TEKT5: variants seen among roughly 807,000 people sequenced by gnomAD.
TEKT5 encodes the protein tektin 5.
TEKT5 carries 52 observed loss-of-function variants against 48.7 expected under a neutral mutation model. The ratio of observed to expected loss-of-function variants is 1.07; its 90% CI spans 0.86 to 1.35. TEKT5 has a LOEUF of 1.35. TEKT5 is among the 40% of genes most tolerant of loss of function. TEKT5 has a pLI of 0.00. For synonymous variants in TEKT5, 318 were observed against 267.6 expected, an observed-to-expected ratio of 1.19 and a Z score of -1.84; for missense variants, 831 against 641.6, an observed-to-expected ratio of 1.30 and a Z score of -3.19.
chr16:10,633,966 A>G (rs1897876896), intron 6 of TEKT5, among the ~76,000 whole-genome samples: 1 of 152,100 alleles, frequency 6.6e-6, no homozygotes, highest in South Asian at 2.1e-4. Context: ...ACCACCCAAC[A>G]CTTTTTCTTG....
chr16:10,642,770 A>T (rs925781103), intron 5 of TEKT5, among the ~76,000 whole-genome samples: 22 of 152,332 alleles, frequency 1.4e-4, no homozygotes, highest in African/African-American at 4.6e-4. Context: ...ACTCATATGC[A>T]GAAGCTAAAG....
At chr16:10,690,827 G>T in intron 1 of TEKT5, 1 of 970,862 alleles carries the variant, frequency 1.0e-6, no homozygotes, top group Non-Finnish European at 1.2e-6. Flanking sequence ...AAGGGCCCAG[G>T]AGCAGAAGGA....
In TEKT5 at chr16:10,627,733, T is replaced by C; in HGVS notation, c.1308A>G (p.Thr436=). ...TGACCAGCAGCTGCAGCGTGTCCTG[T>C]GTCTCCCGCAGCCGCAGCTTGAGGG... ...LQTLKLRLRE[T]QDTLQLLVMT... Residue 436 remains threonine (T), a synonymous_variant, in exon 7 of 7, where the codon ACA becomes ACG. Transcript: ENST00000283025. 4 of 1,614,172 alleles carry C rather than the reference T, an allele frequency of 2.5e-6. No individual in the cohort carries two copies. Among genetic ancestry groups the C allele is most frequent in the Non-Finnish European group, 2.5e-6 (3 of 1,180,006 alleles).
Position 10,694,611 on chromosome 16 carries a change from C to G in TEKT5, c.263G>C (p.Arg88Pro). Residue 88 changes from arginine to proline, a missense_variant, in exon 1 of 7, where the codon CGC becomes CCC. By Grantham distance (103) the Arg-to-Pro change is moderately radical. Coordinates refer to ENST00000283025, the MANE Select transcript of TEKT5 (RefSeq NM_144674.2). ...CTGGTCCCAGTCGTGGGGGCTATAG[C>G]GAGAGAAGAGTGCGGAGCGCAGTGT... ...LPTLRSALFS[R>P]YSPHDWDQSN... The G allele has an allele frequency of 1.2e-6, 2 of 1,610,620 alleles. No individual in the cohort carries two copies. Among genetic ancestry groups the G allele is most frequent in the South Asian group, 1.1e-5 (1 of 90,396 alleles).
At chr16:10,668,614 G>A (rs1322241561) in intron 5 of TEKT5, among the ~76,000 whole-genome samples, 2 of 152,168 alleles carry the variant, frequency 1.3e-5, no homozygotes, top group Admixed American at 1.3e-4. Flanking sequence ...CCCCTCAGAC[G>A]CCAGGCCTTC....
At chr16:10,684,876 G>A (rs919545050) in intron 3 of TEKT5, among the ~76,000 whole-genome samples, 8 of 152,154 alleles carry the variant, frequency 5.3e-5, no homozygotes, top group African/African-American at 1.7e-4. Context: ...GGTGCAGCAA[G>A]GACCCCACCC....
intron 5 of TEKT5, among the ~76,000 whole-genome samples, chr16:10,659,620 CAA>C (rs1408377751): frequency 6.6e-6 from 1 of 152,170 alleles, no homozygotes; most frequent in African/African-American, 2.4e-5. Flanking sequence ...CTCAACCTCC[CAA>C]AGTGCTGGGA....
At chr16:10,661,089 A>T (rs1041894950) in intron 5 of TEKT5, among the ~76,000 whole-genome samples, 1 of 152,100 alleles carries the variant, frequency 6.6e-6, no homozygotes, top group African/African-American at 2.4e-5. Context: ...AAACTACTCA[A>T]CCTGACCACT....
At chr16:10,688,260 A>G (rs1457113473) in intron 3 of TEKT5, among the ~76,000 whole-genome samples, 1 of 152,128 alleles carries the variant, frequency 6.6e-6, no homozygotes, top group African/African-American at 2.4e-5. Flanking sequence ...GGGGTCTCCA[A>G]TGTGTCTGTC....
intron 5 of TEKT5, among the ~76,000 whole-genome samples, chr16:10,670,112 G>A (rs1182997994): frequency 6.6e-6 from 1 of 151,926 alleles, no homozygotes; most frequent in Non-Finnish European, 1.5e-5. Context: ...GGATTCCTGT[G>A]ACCACTTGGG....
At chr16:10,653,075 A>T (rs990154901) in intron 5 of TEKT5, among the ~76,000 whole-genome samples, 1 of 152,200 alleles carries the variant, frequency 6.6e-6, no homozygotes, top group African/African-American at 2.4e-5. Flanking sequence ...CAGGGATGTT[A>T]ACCTTCCTGT....
intron 5 of TEKT5, among the ~76,000 whole-genome samples, chr16:10,646,643 A>G (rs1176783069): frequency 6.7e-6 from 1 of 149,616 alleles, no homozygotes; most frequent in Non-Finnish European, 1.5e-5. Flanking sequence ...TAGCTTAAGA[A>G]AAAATCCAGG....
chr16:10,672,003 G>A (rs1374543359), intron 5 of TEKT5, among the ~76,000 whole-genome samples: 1 of 152,156 alleles, frequency 6.6e-6, no homozygotes. Context: ...CATGGATATG[G>A]GGGGAGATGG....
chr16:10,631,509 G>A (rs1897841481), intron 6 of TEKT5, among the ~76,000 whole-genome samples: 1 of 152,018 alleles, frequency 6.6e-6, no homozygotes, highest in Admixed American at 6.6e-5. Context: ...CGGATCGGGT[G>A]GTGTTCCTCA....
intron 5 of TEKT5, among the ~76,000 whole-genome samples, chr16:10,663,056 A>G (rs1898401750): frequency 6.6e-6 from 1 of 152,048 alleles, no homozygotes; most frequent in Non-Finnish European, 1.5e-5. Context: ...CTCACCCTCA[A>G]CCCTGCACCC....
intron 3 of TEKT5, among the ~76,000 whole-genome samples, chr16:10,687,635 C>T (rs1385211760): frequency 6.8e-6 from 1 of 147,440 alleles, no homozygotes; most frequent in African/African-American, 2.5e-5. Flanking sequence ...GGCCTGTAAT[C>T]CCAGCTACTC....
At chr16:10,630,426 G>C (rs1596398350) in intron 6 of TEKT5, among the ~76,000 whole-genome samples, 1 of 152,110 alleles carries the variant, frequency 6.6e-6, no homozygotes, top group South Asian at 2.1e-4. Flanking sequence ...TTTTTATAGA[G>C]ATGGGGTTTA....
chr16:10,658,047 A>C (rs1898292972), intron 5 of TEKT5, among the ~76,000 whole-genome samples: 1 of 152,184 alleles, frequency 6.6e-6, no homozygotes, highest in South Asian at 2.1e-4. Context: ...ACTCACCCAC[A>C]AAAGAAACTT....
intron 3 of TEKT5, among the ~76,000 whole-genome samples, chr16:10,686,299 G>C (rs28624825): frequency 5.9e-5 from 9 of 151,984 alleles, no homozygotes; most frequent in Non-Finnish European, 1.3e-4. Flanking sequence ...ACTCAAAATA[G>C]ATTAAAGATT....
Sources: allele counts gnomAD v4.1 joint callset (sites outside exome capture counted in the v4.1 genomes callset), GRCh38; gene constraint gnomAD v4.1.1; transcripts MANE v1.5; gene names NCBI Gene and HGNC (gene_info 2026-07-23, HGNC 2026-07-21).